The following USP28 variants were observed in gnomAD, a reference collection of about 807,000 sequenced individuals.
USP28 encodes the protein ubiquitin specific peptidase 28.
Under a neutral mutation model 145.0 loss-of-function variants are expected in USP28, and 113 were observed. That is an observed-to-expected ratio of 0.78 (90% CI 0.67 to 0.91). The LOEUF is 0.91. Ranked by LOEUF, USP28 falls within the 40% of genes least tolerant of loss-of-function variation. The pLI, the probability that USP28 is intolerant of heterozygous loss-of-function variation, is 0.00. For missense variants in USP28, 1,201 were observed against 1,289.6 expected, an observed-to-expected ratio of 0.93 and a Z score of 1.05; for synonymous variants, 447 against 450.9, an observed-to-expected ratio of 0.99 and a Z score of 0.11.
chr11:113,875,420 TC>T, intron 1 of USP28, 24 bp downstream of exon 1: 2 of 1,232,916 alleles, frequency 1.6e-6, no homozygotes, highest in South Asian at 2.4e-5. Flanking sequence ...CGCCCCCAGC[TC>T]CCGCTCGCCG....
At chr11:113,875,525 C>T (rs1476410653) in exon 1 of USP28, 4 of 1,151,122 alleles carry the variant, frequency 3.5e-6, no homozygotes, top group Non-Finnish European at 3.2e-6. Context: ...AGCCGCGGGT[C>T]ACCGGTCTCC....
At chr11:113,808,370 C>T (rs1363077856) in exon 18 of USP28, 3 of 1,614,104 alleles carry the variant, frequency 1.9e-6, no homozygotes, top group Non-Finnish European at 2.5e-6. Flanking sequence ...GGGCAGTTTG[C>T]TCCTTTACAA....
At chr11:113,811,831 A>G (rs1267212309) in intron 16 of USP28, among the ~76,000 whole-genome samples, 1 of 152,232 alleles carries the variant, frequency 6.6e-6, no homozygotes, top group African/African-American at 2.4e-5. Flanking sequence ...CTACGAGTAA[A>G]TTTTAAAAAT....
At chr11:113,812,899 A>C (rs1941210579) in intron 15 of USP28, among the ~76,000 whole-genome samples, 1 of 152,178 alleles carries the variant, frequency 6.6e-6, no homozygotes, top group Non-Finnish European at 1.5e-5. Context: ...ATTTTGTTCC[A>C]TGCCTATTTT....
chr11:113,860,584 G>A (rs1221381624), intron 1 of USP28, among the ~76,000 whole-genome samples: 3 of 152,112 alleles, frequency 2.0e-5, no homozygotes, highest in Non-Finnish European at 4.4e-5. Context: ...GGTGAAGGCA[G>A]GCGGATCACA....
At chr11:113,849,999 C>T (rs1946289294) in intron 3 of USP28, among the ~76,000 whole-genome samples, 1 of 152,146 alleles carries the variant, frequency 6.6e-6, no homozygotes, top group African/African-American at 2.4e-5. Flanking sequence ...TTGACTCTCC[C>T]CTTCCCCATT....
chr11:113,805,307 G>A (rs1210541004), intron 19 of USP28, among the ~76,000 whole-genome samples: 1 of 149,482 alleles, frequency 6.7e-6, no homozygotes, highest in African/African-American at 2.5e-5. Context: ...CCAGGCTGGA[G>A]TTCAGTGACA....
At chr11:113,803,667 AGAG>A (rs1939442841) in intron 22 of USP28, 128 bp downstream of exon 23, 1 of 693,226 alleles carries the variant, frequency 1.4e-6, no homozygotes, top group African/African-American at 1.8e-5. Context: ...AAGCACTGCA[AGAG>A]AAGAGGCACA....
At chr11:113,863,192 C>T (rs1210002555) in intron 1 of USP28, among the ~76,000 whole-genome samples, 1 of 152,062 alleles carries the variant, frequency 6.6e-6, no homozygotes, top group African/African-American at 2.4e-5. Context: ...TCAGCAGCTT[C>T]AAGGTAAACA....
intron 18 of USP28, 48 bp from the exon 20 acceptor site, chr11:113,806,632 T>C: frequency 7.4e-7 from 1 of 1,350,656 alleles, no homozygotes; most frequent in Non-Finnish European, 1.0e-6. Context: ...AGAAGAAAGG[T>C]TCAGCAGAAG....
Position 113,806,585 on chromosome 11 carries a change from C to G in USP28, c.2305-1G>C. 1 of 1,564,726 alleles carries G rather than the reference C, an allele frequency of 6.4e-7. No individual in the cohort carries two copies. The highest frequency in any genetic ancestry group is 8.6e-7 in the Non-Finnish European group (1 of 1,159,000). On this transcript the variant is annotated splice_acceptor_variant, in intron 18 of 24. Coordinates refer to ENST00000003302, the Ensembl canonical transcript of USP28. LOFTEE classifies it high-confidence loss of function. ...CTTGCATGGCAGGGCTCAGCATCAC[C>G]TACCACAAGGGGGCACAAAACACAG...
chr11:113,823,124 T>C (rs191963139), intron 12 of USP28, among the ~76,000 whole-genome samples: 1 of 152,168 alleles, frequency 6.6e-6, no homozygotes, highest in South Asian at 2.1e-4. Flanking sequence ...ATCAAAAAAG[T>C]GAAAATTCCT....
At chr11:113,804,819 A>C (rs748114057) in intron 20 of USP28, 49 bp downstream of exon 21, 14 of 1,611,580 alleles carry the variant, frequency 8.7e-6, no homozygotes, top group Non-Finnish European at 1.2e-5. Context: ...AGAGGAGTCC[A>C]TCTAGCCCAA....
At position 113,820,004 on chromosome 11, in the gene USP28, T is replaced by C. The variant is rs149040007; in HGVS notation, c.1284-2167A>G. On this transcript the variant is annotated intron_variant, in intron 12 of 24. Transcript: ENST00000003302. ...TAAAAACCATTAACCCATTTATGCG[T>C]AGTGTTCCATTATTGGAATGCTAAG... Among the ~76,000 whole-genome samples the C allele has an allele frequency of 3.1e-3, 479 of 152,378 alleles. 4 individuals carry two copies. The highest frequency in any genetic ancestry group is 5.5e-3 in the Non-Finnish European group (371 of 68,044).
chr11:113,813,825 G>A, intron 15 of USP28, 60 bp downstream of exon 15: 1 of 1,363,970 alleles, frequency 7.3e-7, no homozygotes, highest in Non-Finnish European at 1.0e-6. Context: ...TATCAAATTT[G>A]ATTTTTGTAT....
intron 3 of USP28, among the ~76,000 whole-genome samples, chr11:113,848,408 A>T (rs1190081269): frequency 6.6e-6 from 1 of 152,208 alleles, no homozygotes; most frequent in Non-Finnish European, 1.5e-5. Flanking sequence ...AAAGACTGAC[A>T]AACAGCCAAG....
At chr11:113,834,424 T>A in intron 5 of USP28, 89 bp from the exon 6 acceptor site, 1 of 889,244 alleles carries the variant, frequency 1.1e-6, no homozygotes, top group Non-Finnish European at 1.6e-6. Flanking sequence ...TTTTATTTCA[T>A]ATTTAAAAGT....
At chr11:113,824,932 A>T (rs1197995331) in intron 11 of USP28, among the ~76,000 whole-genome samples, 2 of 26,862 alleles carry the variant, frequency 7.4e-5, no homozygotes, top group Non-Finnish European at 2.2e-4. Flanking sequence ...ACTCCGTCTT[A>T]AAAAAAAAAA....
chr11:113,815,401 A>G lies in USP28; in HGVS notation c.1464-19T>C. ...ACTTGTACTGAGGAAGACAAAAATCATGCTCATATGATAATTTCCAAAAGA... is the reference window on the plus strand; with the variant it reads ...ACTTGTACTGAGGAAGACAAAAATCGTGCTCATATGATAATTTCCAAAAGA... On this transcript the variant is annotated intron_variant, in intron 13 of 24. Coordinates refer to ENST00000003302, the Ensembl canonical transcript of USP28. 4 of 1,604,484 alleles carry G rather than the reference A, an allele frequency of 2.5e-6. No homozygotes were observed. The highest frequency in any genetic ancestry group is 3.4e-6 in the Non-Finnish European group (4 of 1,175,978).
Sources: gnomAD v4.1 joint callset for allele counts (sites outside exome capture counted in the v4.1 genomes callset) on GRCh38, gnomAD v4.1.1 for gene constraint, MANE v1.5 for transcripts, NCBI Gene and HGNC (gene_info 2026-07-23, HGNC 2026-07-21) for gene names.